Variants in IQCH observed in about 807,000 individuals in gnomAD.
The protein encoded by IQCH is IQ domain-containing protein H.
In IQCH, 98 loss-of-function variants were observed where a neutral mutation model predicts 117.0. The observed-to-expected ratio is 0.84, with a 90% CI of 0.71 to 0.99. The LOEUF is 0.99. Among genes scored for constraint, IQCH ranks in the 50% least tolerant of loss-of-function variants. The pLI is 0.00. For missense variants in IQCH, 1,102 were observed against 1,243.8 expected, an observed-to-expected ratio of 0.89 and a Z score of 1.72; for synonymous variants, 412 against 448.2, an observed-to-expected ratio of 0.92 and a Z score of 1.02.
rs193225833 is a variant in IQCH at position 67,445,098 on chromosome 15, G to T, written c.2506-20029G>T. Among the ~76,000 whole-genome samples the T allele has an allele frequency of 5.8e-4, 88 of 152,074 alleles. 6 individuals are homozygous for T. In the East Asian group the frequency reaches 5.8e-3, roughly 10 times the overall value. ...TGGCTTTGGTATGATTTTTTTTAAA[G>T]GAAATATCAGATAATCCATTGCTTT... On this transcript the variant is annotated intron_variant, in intron 16 of 20. Coordinates refer to ENST00000335894, the MANE Select transcript of IQCH (RefSeq NM_001031715.3). The surrounding 1 kb of genome is among the most constrained non-coding windows in gnomAD (Gnocchi z 4.3).
At chr15:67,290,501 A>G (rs1966715080) in intron 4 of IQCH, among the ~76,000 whole-genome samples, 2 of 152,188 alleles carry the variant, frequency 1.3e-5, no homozygotes, top group African/African-American at 2.4e-5. Flanking sequence ...GAGTTGCACA[A>G]TTGCATCACA....
In IQCH at chr15:67,413,388, C is replaced by G. The variant is rs985842001; in HGVS notation, c.2098-3543C>G. On this transcript the variant is annotated intron_variant, in intron 14 of 20. Transcript: ENST00000335894. This position sits in a 1 kb window ranked among gnomAD's most constrained non-coding sequence, Gnocchi z 5.0. ...TGGATTTGAGCTCTGGCCTAACCCA[C>G]CAGTTCACAAGCAGCTTCTGAGTAC... 1 of 152,116 alleles carries G rather than the reference C, an allele frequency of 6.6e-6. No homozygotes were observed. The highest frequency in any genetic ancestry group is 2.4e-5 in the African/African-American group (1 of 41,418). The allele number at this position is 152,116 out of a possible 1,614,324, so 9.4% of individuals were successfully genotyped here. A position where few individuals can be genotyped will look rare whatever the true frequency, so the allele number is the denominator to read the frequency against.
At position 67,359,557 on chromosome 15, in the gene IQCH, C is replaced by T. The variant is rs184356074; in HGVS notation, c.715-290C>T. On this transcript the variant is annotated intron_variant, in intron 7 of 20. Coordinates refer to ENST00000335894, the MANE Select transcript of IQCH (RefSeq NM_001031715.3). This position sits in a 1 kb window ranked among gnomAD's most constrained non-coding sequence, Gnocchi z 4.5. ...ACCACCACAAAGCAGTGTGGTGCCA[C>T]GCTAGTGTCCCCTAGAAGTGGGACT... Among the ~76,000 whole-genome samples the T allele has an allele frequency of 3.3e-5, 5 of 152,342 alleles. No individual in the cohort carries two copies. The highest frequency in any genetic ancestry group is 3.9e-4 in the East Asian group (2 of 5,190).
chr15:67,313,797 T>C (rs1321809688), intron 4 of IQCH, among the ~76,000 whole-genome samples: 1 of 152,176 alleles, frequency 6.6e-6, no homozygotes, highest in Non-Finnish European at 1.5e-5. Flanking sequence ...AGATCACTTC[T>C]CCAGCTGCTT....
At chr15:67,308,887 T>TA (rs369620414) in intron 4 of IQCH, among the ~76,000 whole-genome samples, 8 of 151,662 alleles carry the variant, frequency 5.3e-5, no homozygotes, top group Admixed American at 1.3e-4. Flanking sequence ...ATAACATTCA[T>TA]AAAAAAAAAT....
At chr15:67,414,780 G>A (rs2081536938) in intron 14 of IQCH, among the ~76,000 whole-genome samples, 1 of 151,892 alleles carries the variant, frequency 6.6e-6, no homozygotes, top group Admixed American at 6.6e-5. Context: ...ATGAATGAAT[G>A]ATTTATCTTT....
rs947301884 is a variant in IQCH, at chr15:67,413,669, T to C, written c.2098-3262T>C. The C allele has an allele frequency of 2.6e-5, 4 of 152,212 alleles. No homozygotes were observed. The highest frequency in any genetic ancestry group is 9.7e-5 in the African/African-American group (4 of 41,434). The allele number at this position is 152,212 out of a possible 1,614,324, so 9.4% of individuals were successfully genotyped here. On this transcript the variant is annotated intron_variant, in intron 14 of 20. Coordinates refer to ENST00000335894, the MANE Select transcript of IQCH (RefSeq NM_001031715.3). This position sits in a 1 kb window ranked among gnomAD's most constrained non-coding sequence, Gnocchi z 5.0. ...TTAAACAGTTAATACCCCTCTCCTCTTACCTCGCATTATTCCTCTCCATGC... is the reference window on the plus strand; with the variant it reads ...TTAAACAGTTAATACCCCTCTCCTCCTACCTCGCATTATTCCTCTCCATGC...
intron 4 of IQCH, among the ~76,000 whole-genome samples, chr15:67,300,232 A>G (rs1338476081): frequency 2.0e-5 from 3 of 152,090 alleles, no homozygotes; most frequent in Non-Finnish European, 4.4e-5. Context: ...ATGGATTTTT[A>G]TATGTTTGAA....
At chr15:67,321,415 TTTTC>T (rs1968112778) in intron 4 of IQCH, among the ~76,000 whole-genome samples, 1 of 152,040 alleles carries the variant, frequency 6.6e-6, no homozygotes, top group African/African-American at 2.4e-5. Context: ...CATGTATGCC[TTTTC>T]TTCCTTCCTT....
chr15:67,345,281 G>A (rs1010364535), intron 6 of IQCH, among the ~76,000 whole-genome samples: 24 of 152,228 alleles, frequency 1.6e-4, no homozygotes, highest in Admixed American at 9.8e-4. Context: ...ATGAGCCAGC[G>A]CGCCCAGCCC....
In IQCH at chr15:67,303,786, C is replaced by T. The variant is rs1967167888; in HGVS notation, c.387+24274C>T. ...TATTTAAAATGAGGAATAAGTGGTT[C>T]AGACAAGAGGCTTTTATTTTTTTCT... On this transcript the variant is annotated intron_variant, in intron 4 of 20. Coordinates refer to ENST00000335894, the MANE Select transcript of IQCH (RefSeq NM_001031715.3). 3.3e-5 allele frequency among the ~76,000 whole-genome samples: 5 copies of T among 152,244 alleles called. No individual in the cohort carries two copies. The South Asian group carries it at 1.0e-3, about 32-fold the overall frequency.
chr15:67,271,269 A>G (rs1402290174), intron 3 of IQCH, among the ~76,000 whole-genome samples: 2 of 152,200 alleles, frequency 1.3e-5, no homozygotes, highest in Admixed American at 6.5e-5. Flanking sequence ...CGCCCAGCCT[A>G]TGGTGAATGA....
chr15:67,480,818 C>T (rs1042760940), intron 18 of IQCH, among the ~76,000 whole-genome samples: 4 of 152,046 alleles, frequency 2.6e-5, no homozygotes, highest in African/African-American at 9.7e-5. Flanking sequence ...GTACCTACAG[C>T]TCTAGGAGAA....
chr15:67,312,125 C>G (rs1037043816), intron 4 of IQCH, among the ~76,000 whole-genome samples: 2 of 152,076 alleles, frequency 1.3e-5, no homozygotes, highest in Non-Finnish European at 2.9e-5. Flanking sequence ...AAAATTAATT[C>G]CACTTTGAAA....
Position 67,303,360 on chromosome 15 carries a change from G to A in IQCH, c.387+23848G>A, listed in dbSNP as rs148361268. Among the ~76,000 whole-genome samples, 13 of 152,242 alleles carry A rather than the reference G, an allele frequency of 8.5e-5. No individual in the cohort carries two copies. In the East Asian group the frequency reaches 2.5e-3, roughly 29 times the overall value. On this transcript the variant is annotated intron_variant, in intron 4 of 20. Transcript: ENST00000335894. ...GATGCACATGTTCTGGAATTAGATA[G>A]TGGTGATGGTTGTGAATATACTGAA...
At chr15:67,383,338 T>A (rs906682216) in intron 10 of IQCH, among the ~76,000 whole-genome samples, 2 of 152,182 alleles carry the variant, frequency 1.3e-5, no homozygotes, top group African/African-American at 4.8e-5. Context: ...TCCCAAGTAA[T>A]TTGTTGGAAA....
At chr15:67,415,352 C>G (rs902814740) in intron 14 of IQCH, among the ~76,000 whole-genome samples, 4 of 152,148 alleles carry the variant, frequency 2.6e-5, no homozygotes, top group African/African-American at 4.8e-5. Context: ...CTTAACAGAC[C>G]TCCTCCCACT....
At chr15:67,321,646 T>C (rs1968140457) in intron 4 of IQCH, among the ~76,000 whole-genome samples, 1 of 151,740 alleles carries the variant, frequency 6.6e-6, no homozygotes, top group Admixed American at 6.6e-5. Flanking sequence ...GTGTTCTCTC[T>C]TTTTCCTTAG....
At chr15:67,329,178 A>G (rs1227511382) in intron 4 of IQCH, among the ~76,000 whole-genome samples, 4 of 152,070 alleles carry the variant, frequency 2.6e-5, no homozygotes, top group Admixed American at 2.6e-4. Flanking sequence ...GTGCACCTGT[A>G]GTTCCAGCTG....
Sources: gnomAD v4.1 joint callset for allele counts (sites outside exome capture counted in the v4.1 genomes callset) on GRCh38, gnomAD v4.1.1 for gene constraint, Gnocchi (gnomAD v3.1) non-coding constraint, MANE v1.5 for transcripts, NCBI Gene and HGNC (gene_info 2026-07-23, HGNC 2026-07-21) for gene names.